The following RTCA variants were observed in gnomAD, a reference collection of about 807,000 sequenced individuals.
RTCA encodes RNA terminal phosphate cyclase domain 1.
RTCA carries 37 observed loss-of-function variants against 46.1 expected under a neutral mutation model. The ratio of observed to expected loss-of-function variants is 0.80; its 90% CI spans 0.62 to 1.06. The LOEUF (loss-of-function observed/expected upper bound fraction) is 1.06, where lower values mean the gene tolerates loss of function less well. Among genes scored for constraint, RTCA ranks in the 50% least tolerant of loss-of-function variants. RTCA has a pLI of 0.00. For synonymous variants in RTCA, 164 were observed against 158.3 expected (o/e 1.04, Z -0.27); for missense variants, 435 against 455.5 (o/e 0.95, Z 0.41).
At chr1:100,270,476 C>T in intron 3 of RTCA, 81 bp from the exon 4 acceptor site, 1 of 1,541,080 alleles carries the variant, frequency 6.5e-7, no homozygotes, top group South Asian at 1.2e-5. Context: ...TAGTGATGAA[C>T]AAGAATATAG....
At chr1:100,266,814 G>A (rs1665806358) in intron 2 of RTCA, 190 bp downstream of exon 2, 3 of 583,236 alleles carry the variant, frequency 5.1e-6, no homozygotes, top group Admixed American at 3.0e-5. Flanking sequence ...CTGGAGGGGT[G>A]AGTTTAGAAA....
At position 100,291,759 on chromosome 1, in the gene RTCA, T is replaced by A. The variant is rs1667363599; in HGVS notation, c.*255T>A. On this transcript the variant is annotated 3_prime_UTR_variant, in exon 11 of 11. Coordinates refer to ENST00000370128, the MANE Select transcript of RTCA (RefSeq NM_003729.4). ...ATATTGAAGTATTGAAATAAAATATTCTTTACACCTGAAGTAAATACATTT... is the reference window on the plus strand; with the variant it reads ...ATATTGAAGTATTGAAATAAAATATACTTTACACCTGAAGTAAATACATTT... 1.3e-5 allele frequency: 3 copies of A among 235,396 alleles called. No homozygotes were observed. The highest frequency in any genetic ancestry group is 2.4e-5 in the Non-Finnish European group (3 of 123,158). 14.6% of individuals were successfully genotyped at this position (235,396 alleles called of 1,614,324 possible).
chr1:100,276,541 G>T (rs910017049), intron 7 of RTCA, among the ~76,000 whole-genome samples: 1 of 152,100 alleles, frequency 6.6e-6, no homozygotes. Flanking sequence ...GCTGGGCGTG[G>T]TGGTGCACAC....
At chr1:100,267,582 C>A (rs1166877229) in intron 2 of RTCA, 10 of 1,520,598 alleles carry the variant, frequency 6.6e-6, no homozygotes, top group African/African-American at 1.4e-5. Flanking sequence ...CTGCTCCAGG[C>A]CTGTCTTTTT....
intron 10 of RTCA, among the ~76,000 whole-genome samples, chr1:100,287,835 C>T (rs1412494879): frequency 1.3e-5 from 2 of 149,574 alleles, no homozygotes; most frequent in African/African-American, 4.9e-5. Flanking sequence ...ACACTGTTGC[C>T]CAGGCTGGAG....
intron 10 of RTCA, among the ~76,000 whole-genome samples, chr1:100,287,457 A>G (rs958670841): frequency 2.0e-5 from 3 of 152,210 alleles, no homozygotes; most frequent in Non-Finnish European, 4.4e-5. Context: ...GTTCAAGGCC[A>G]CATGGATTTT....
In RTCA at chr1:100,270,558, A is replaced by AG. The variant is rs756734538; in HGVS notation, c.293dup (p.Ser98ArgfsTer29). On this transcript the variant is annotated frameshift_variant and splice_region_variant, in exon 4 of 11. Coordinates refer to ENST00000370128, the MANE Select transcript of RTCA (RefSeq NM_003729.4). LOFTEE classifies it high-confidence loss of function. ...AAGCCCCTTCTGCCTTCTCCTTAGG[A>AG]GTGTGTGCCTCTTGATGCAGGTCTC... 1 of 1,613,790 alleles carries AG rather than the reference A, an allele frequency of 6.2e-7. No homozygotes were observed. Among genetic ancestry groups the AG allele is most frequent in the African/African-American group, 1.3e-5 (1 of 75,016 alleles).
At position 100,273,470 on chromosome 1, in the gene RTCA, T is replaced by G; in HGVS notation, c.473+18T>G. On this transcript the variant is annotated intron_variant, in intron 5 of 10. Transcript: ENST00000370128. Reference sequence around the variant, plus strand: ...AAAACAAGGTAAGTTGCTTGTTTCTTAAATGTTAGGATCTATTACTTACGC... The same window carrying G: ...AAAACAAGGTAAGTTGCTTGTTTCTGAAATGTTAGGATCTATTACTTACGC... 2 of 1,502,908 alleles carry G rather than the reference T, an allele frequency of 1.3e-6. No individual in the cohort carries two copies. Among genetic ancestry groups the G allele is most frequent in the Non-Finnish European group, 1.8e-6 (2 of 1,096,002 alleles). The allele number at this position is 1,502,908 out of a possible 1,614,324, so 93.1% of individuals were successfully genotyped here.
Position 100,285,248 on chromosome 1 carries a change from G to A in RTCA, c.820G>A (p.Gly274Arg). The change falls in exon 9 of 11, where the codon GGA becomes AGA. Residue 274 changes from glycine to arginine, a missense_variant. Coordinates refer to ENST00000370128, the MANE Select transcript of RTCA (RefSeq NM_003729.4). ...TTAAGGTGTAAATGCAGACAAAGTTGGAATTGAAGCTGCCGAAATGCTATT... is the reference window on the plus strand; with the variant it reads ...TTAAGGTGTAAATGCAGACAAAGTTAGAATTGAAGCTGCCGAAATGCTATT... ...GKRGVNADKV[G>R]IEAAEMLLAN... The A allele has an allele frequency of 6.2e-7, 1 of 1,613,224 alleles. No homozygotes were observed. Among genetic ancestry groups the A allele is most frequent in the Non-Finnish European group, 8.5e-7 (1 of 1,179,446 alleles).
intron 9 of RTCA, among the ~76,000 whole-genome samples, chr1:100,286,415 A>T (rs1211740220): frequency 7.1e-6 from 1 of 140,352 alleles, no homozygotes; most frequent in African/African-American, 2.8e-5. Context: ...AGAATGCGCC[A>T]CTGCACTCCA....
chr1:100,275,814 T>G, intron 7 of RTCA, 91 bp downstream of exon 7: 1 of 1,143,644 alleles, frequency 8.7e-7, no homozygotes, highest in Non-Finnish European at 1.2e-6. Context: ...TTGCTTAAGT[T>G]TATAGTTTTA....
At chr1:100,277,167 C>A in intron 7 of RTCA, 91 bp from the exon 8 acceptor site, 1 of 1,196,908 alleles carries the variant, frequency 8.4e-7, no homozygotes, top group Non-Finnish European at 1.2e-6. Context: ...TTTAGTTCTG[C>A]CTATTTAATA....
At chr1:100,272,509 C>T (rs955649492) in intron 4 of RTCA, among the ~76,000 whole-genome samples, 1 of 152,034 alleles carries the variant, frequency 6.6e-6, no homozygotes, top group Non-Finnish European at 1.5e-5. Flanking sequence ...ATTTGTTAAG[C>T]TTTTTCTGCC....
intron 7 of RTCA, among the ~76,000 whole-genome samples, chr1:100,276,072 T>G (rs1276131601): frequency 6.6e-6 from 1 of 151,992 alleles, no homozygotes; most frequent in East Asian, 1.9e-4. Flanking sequence ...CCTGACCTCA[T>G]GATCCACCTG....
At chr1:100,281,952 G>C (rs1476365318) in intron 8 of RTCA, among the ~76,000 whole-genome samples, 2 of 152,062 alleles carry the variant, frequency 1.3e-5, no homozygotes, top group East Asian at 3.9e-4. Flanking sequence ...CTGACCTCAA[G>C]TAATCTGCCT....
chr1:100,285,794 CTT>C (rs1183628155), intron 9 of RTCA, among the ~76,000 whole-genome samples: 1 of 151,966 alleles, frequency 6.6e-6, no homozygotes, highest in Non-Finnish European at 1.5e-5. Flanking sequence ...TAATTTAAAA[CTT>C]TTTTTTGTTT....
At chr1:100,273,023 A>G (rs977274070) in intron 4 of RTCA, among the ~76,000 whole-genome samples, 5 of 152,192 alleles carry the variant, frequency 3.3e-5, no homozygotes, top group Non-Finnish European at 5.9e-5. Context: ...TCAACTGTAC[A>G]AAAAATTGAG....
intron 2 of RTCA, among the ~76,000 whole-genome samples, chr1:100,267,797 C>G (rs1665873333): frequency 6.6e-6 from 1 of 152,084 alleles, no homozygotes; most frequent in Admixed American, 6.6e-5. Context: ...TTAGGGGGAA[C>G]ATAGTTCAGC....
intron 10 of RTCA, among the ~76,000 whole-genome samples, chr1:100,288,648 C>A (rs1401911383): frequency 6.6e-6 from 1 of 152,004 alleles, no homozygotes; most frequent in Non-Finnish European, 1.5e-5. Flanking sequence ...ACCTCAATCT[C>A]CCAAAGCGCT....
Sources: gnomAD v4.1 joint callset for allele counts (sites outside exome capture counted in the v4.1 genomes callset) on GRCh38, gnomAD v4.1.1 for gene constraint, MANE v1.5 for transcripts, NCBI Gene and HGNC (gene_info 2026-07-23, HGNC 2026-07-21) for gene names.